ZNF84: variants seen among roughly 807,000 people sequenced by gnomAD.
ZNF84 encodes zinc finger protein HPF2.
Under a neutral mutation model 14.8 loss-of-function variants are expected in ZNF84, and 12 were observed. The observed-to-expected ratio is 0.81, with a 90% CI of 0.52 to 1.31. ZNF84 has a LOEUF of 1.31. Among genes scored for constraint, ZNF84 ranks in the 50% most tolerant of loss-of-function variants. The probability of loss-of-function intolerance (pLI) is 0.00; values close to 1 mark genes in which losing one functional copy is unlikely to be tolerated. For missense variants in ZNF84, 859 were observed against 878.6 expected (o/e 0.98, Z 0.28); for synonymous variants, 347 against 291.1 (o/e 1.19, Z -1.96).
rs1371165137 is a variant in ZNF84 at position 133,058,996 on chromosome 12, C to T, written c.*64C>T. The T allele has an allele frequency of 9.4e-5, 136 of 1,451,116 alleles. No individual in the cohort carries two copies. Among genetic ancestry groups the T allele is most frequent in the East Asian group, 1.4e-4 (6 of 43,926 alleles). 89.9% of individuals were successfully genotyped at this position (1,451,116 alleles called of 1,614,324 possible). A position where few individuals can be genotyped will look rare whatever the true frequency, so the allele number is the denominator to read the frequency against. On this transcript the variant is annotated 3_prime_UTR_variant, in exon 5 of 5. Transcript: ENST00000539354. Reference sequence around the variant, plus strand: ...ACTTCAGGAAATGCAATTATGATAACGTTTGTAGACAGTCACGTCATGTTA... The same window carrying T: ...ACTTCAGGAAATGCAATTATGATAATGTTTGTAGACAGTCACGTCATGTTA...
At position 133,041,360 on chromosome 12, in the gene ZNF84, G is replaced by A; in HGVS notation, c.-108G>A. The A allele has an allele frequency of 9.4e-7, 1 of 1,068,338 alleles. No individual in the cohort carries two copies. The highest frequency in any genetic ancestry group is 1.4e-6 in the Non-Finnish European group (1 of 691,914). The allele number at this position is 1,068,338 out of a possible 1,614,324, so 66.2% of individuals were successfully genotyped here. ...CTGGAACCAGGAATTCATTCTCAGT[G>A]TAGAAGACCTAGCTGAGACCTCACT... On this transcript the variant is annotated 5_prime_UTR_variant, in exon 2 of 5. Transcript: ENST00000539354.
Position 133,041,537 on chromosome 12 carries a change from A to C in ZNF84, c.15+55A>C, listed in dbSNP as rs948157822. On this transcript the variant is annotated intron_variant, in intron 2 of 4. Transcript: ENST00000539354. ...CCCAGGGAATTAGAAGAAATGTATA[A>C]GCCTTCCGGTGAAAAAGAAAAGTTT... 2.9e-5 allele frequency: 45 copies of C among 1,566,758 alleles called. No individual in the cohort carries two copies. The African/African-American group carries it at 5.0e-4, about 17-fold the overall frequency.
At chr12:133,038,729 C>T (rs1041695048) in intron 1 of ZNF84, 6 of 152,048 alleles carry the variant, frequency 3.9e-5, no homozygotes, top group Non-Finnish European at 7.4e-5. Flanking sequence ...TTATAAATTT[C>T]TTTAATTCTA....
chr12:133,056,874 C>T, intron 4 of ZNF84, 80 bp from the exon 5 acceptor site: 1 of 1,312,802 alleles, frequency 7.6e-7, no homozygotes. Context: ...AACCCCTCAA[C>T]ATAGCATTTC....
rs1954207187 is a variant in ZNF84 at position 133,058,766 on chromosome 12, G to A, written c.2051G>A (p.Gly684Glu). The stretch of plus-strand genomic sequence containing the variant: ...ACACATACGGGTGAGAAACCCTATG[G>A]ATGCAGTGAATGTAGGAAGGCCTTC... ...QRTHTGEKPY[G>E]CSECRKAFSQ... The change falls in exon 5 of 5, where the codon GGA (glycine) becomes GAA (glutamate). Residue 684 changes from glycine to glutamate, a missense_variant. Gly to Glu is a moderately conservative substitution (Grantham distance 98). Transcript: ENST00000539354. The A allele has an allele frequency of 1.2e-6, 2 of 1,613,320 alleles. No homozygotes were observed. Among genetic ancestry groups the A allele is most frequent in the African/African-American group, 1.3e-5 (1 of 74,708 alleles).
chr12:133,051,558 T>C (rs976503677), intron 4 of ZNF84, among the ~76,000 whole-genome samples: 1 of 152,144 alleles, frequency 6.6e-6, no homozygotes, highest in Admixed American at 6.5e-5. Context: ...GAAGAACCCA[T>C]GTGCAGGCTT....
chr12:133,057,770 G>A lies in ZNF84; in HGVS notation c.1055G>A (p.Cys352Tyr). 7 of 1,614,226 alleles carry A rather than the reference G, an allele frequency of 4.3e-6. No individual in the cohort carries two copies. Among genetic ancestry groups the A allele is most frequent in the Non-Finnish European group, 5.9e-6 (7 of 1,180,046 alleles). ...TGEKPFECRE[C>Y]GKAFSRKSQL... ...GAGAAGCCTTTTGAATGCAGGGAAT[G>A]TGGGAAAGCCTTCAGCAGGAAGTCA... Residue 352 changes from cysteine (C) to tyrosine (Y), a missense_variant, in exon 5 of 5, where the codon TGT (cysteine) becomes TAT (tyrosine). Cys to Tyr is a radical substitution (Grantham distance 194). Coordinates refer to ENST00000539354, the MANE Select transcript of ZNF84 (RefSeq NM_001289971.2).
chr12:133,048,976 C>G, intron 4 of ZNF84, 128 bp downstream of exon 4: 1 of 669,748 alleles, frequency 1.5e-6, no homozygotes, highest in Non-Finnish European at 2.5e-6. Flanking sequence ...GACGGGTGGG[C>G]TGGTCATTGA....
chr12:133,063,129 A>T lies in ZNF84; in HGVS notation c.*4197A>T. On this transcript the variant is annotated 3_prime_UTR_variant, in exon 5 of 5. Coordinates refer to ENST00000539354, the MANE Select transcript of ZNF84 (RefSeq NM_001289971.2). ...AGAAACATGGTCTGCAGTGAGAGAG[A>T]AGAATGAAGCCATGATGAAAGCAAA... 1 of 702,360 alleles carries T rather than the reference A, an allele frequency of 1.4e-6. No homozygotes were observed. Among genetic ancestry groups the T allele is most frequent in the South Asian group, 1.5e-5 (1 of 67,596 alleles). The allele number at this position is 702,360 out of a possible 1,614,324, so 43.5% of individuals were successfully genotyped here. A position where few individuals can be genotyped will look rare whatever the true frequency, so the allele number is the denominator to read the frequency against.
Position 133,041,424 on chromosome 12 carries a change from G to A in ZNF84, c.-44G>A. On this transcript the variant is annotated 5_prime_UTR_variant, in exon 2 of 5. Transcript: ENST00000539354. ...GCAGAAGCAGAAGAGACGCACAGTA[G>A]AACCGATCTCAGCCTTGCTGATCAT... The A allele has an allele frequency of 6.2e-7, 1 of 1,612,440 alleles. No homozygotes were observed. Among genetic ancestry groups the A allele is most frequent in the Non-Finnish European group, 8.5e-7 (1 of 1,178,488 alleles).
At chr12:133,056,265 T>G (rs1954156549) in intron 4 of ZNF84, among the ~76,000 whole-genome samples, 1 of 152,134 alleles carries the variant, frequency 6.6e-6, no homozygotes, top group Non-Finnish European at 1.5e-5. Flanking sequence ...TTTATTTTTA[T>G]TTTTTTGAGA....
In ZNF84 at chr12:133,054,890, A is replaced by G. The variant is rs1355954874; in HGVS notation, c.239-2064A>G. Reference sequence around the variant, plus strand: ...CAAATACTAACTACTGCTCCAAACTATCTTTTTTCATAGCATTCTTCAAAT... The same window carrying G: ...CAAATACTAACTACTGCTCCAAACTGTCTTTTTTCATAGCATTCTTCAAAT... On this transcript the variant is annotated intron_variant, in intron 4 of 4. Transcript: ENST00000539354. Among the ~76,000 whole-genome samples the G allele has an allele frequency of 2.8e-3, 422 of 152,224 alleles. 1 individual carries two copies. The highest frequency in any genetic ancestry group is 9.1e-3 in the African/African-American group (380 of 41,566).
chr12:133,059,993 C>T lies in ZNF84; in HGVS notation c.*1061C>T, dbSNP rs1470797013. The T allele has an allele frequency of 6.6e-6, 1 of 152,092 alleles. No individual in the cohort carries two copies. The highest frequency in any genetic ancestry group is 1.5e-5 in the Non-Finnish European group (1 of 68,018). The allele number at this position is 152,092 out of a possible 1,614,324, so 9.4% of individuals were successfully genotyped here. A position where few individuals can be genotyped will look rare whatever the true frequency, so the allele number is the denominator to read the frequency against. ...TGCAAAGGCAGGAACCACAGAATAACCATAGTAATATATAACTGAATGAGC... is the reference window on the plus strand; with the variant it reads ...TGCAAAGGCAGGAACCACAGAATAATCATAGTAATATATAACTGAATGAGC... On this transcript the variant is annotated 3_prime_UTR_variant, in exon 5 of 5. Coordinates refer to ENST00000539354, the MANE Select transcript of ZNF84 (RefSeq NM_001289971.2).
In ZNF84 at chr12:133,057,705, A is replaced by G. The variant is rs1954185604; in HGVS notation, c.990A>G (p.Glu330=). 6.2e-7 allele frequency: 1 copy of G among 1,613,398 alleles called. No individual in the cohort carries two copies. The highest frequency in any genetic ancestry group is 1.1e-5 in the South Asian group (1 of 91,050). Residue 330 remains glutamate (E), a synonymous_variant, in exon 5 of 5, where the codon GAA becomes GAG. Coordinates refer to ENST00000539354, the MANE Select transcript of ZNF84 (RefSeq NM_001289971.2). ...ATGAATGTGGGAGGGCCTTTAGTGA[A>G]AAGTCCAATCTCATTAACCATCAGA... ...GCNECGRAFS[E]KSNLINHQRI...
At position 133,062,082 on chromosome 12, in the gene ZNF84, G is replaced by A. The variant is rs1219766683; in HGVS notation, c.*3150G>A. ...TACATTGAGATAGCATACTAAAGGA[G>A]GCCAAATACAGGAAGCATCATCTTT... On this transcript the variant is annotated 3_prime_UTR_variant, in exon 5 of 5. Coordinates refer to ENST00000539354, the MANE Select transcript of ZNF84 (RefSeq NM_001289971.2). The A allele has an allele frequency of 6.6e-6, 1 of 152,212 alleles. No homozygotes were observed. Among genetic ancestry groups the A allele is most frequent in the Non-Finnish European group, 1.5e-5 (1 of 68,046 alleles). 9.4% of individuals were successfully genotyped at this position (152,212 alleles called of 1,614,324 possible).
At chr12:133,051,223 T>G (rs1041253722) in intron 4 of ZNF84, among the ~76,000 whole-genome samples, 1 of 152,206 alleles carries the variant, frequency 6.6e-6, no homozygotes, top group Non-Finnish European at 1.5e-5. Context: ...TTTAATCCTT[T>G]ACTGAAAAGG....
chr12:133,039,191 A>AT (rs1471393251), intron 1 of ZNF84: 1 of 152,248 alleles, frequency 6.6e-6, no homozygotes, highest in Non-Finnish European at 1.5e-5. Context: ...CATTTCTTGT[A>AT]TAACTGGGAG....
In ZNF84 at chr12:133,057,315, T is replaced by C; in HGVS notation, c.600T>C (p.Asn200=). The C allele has an allele frequency of 6.2e-7, 1 of 1,613,046 alleles. No individual in the cohort carries two copies. The highest frequency in any genetic ancestry group is 8.5e-7 in the Non-Finnish European group (1 of 1,179,802). The change falls in exon 5 of 5, where the codon AAT becomes AAC. Residue 200 remains asparagine (N), a synonymous_variant. Coordinates refer to ENST00000539354, the MANE Select transcript of ZNF84 (RefSeq NM_001289971.2). ...KKSQIIIYHR[N]RLGEKLYECS... is the part of the protein sequence containing the mutation. ...CACAGATTATCATATATCATAGAAA[T>C]CGTTTAGGGGAGAAACTCTATGAAT...
At position 133,063,013 on chromosome 12, in the gene ZNF84, A is replaced by C. The variant is rs1462920229; in HGVS notation, c.*4081A>C. 1.2e-5 allele frequency: 8 copies of C among 679,938 alleles called. No individual in the cohort carries two copies. Among genetic ancestry groups the C allele is most frequent in the Non-Finnish European group, 2.1e-5 (8 of 373,336 alleles). The allele number at this position is 679,938 out of a possible 1,614,324, so 42.1% of individuals were successfully genotyped here. A position where few individuals can be genotyped will look rare whatever the true frequency, so the allele number is the denominator to read the frequency against. On this transcript the variant is annotated 3_prime_UTR_variant, in exon 5 of 5. Coordinates refer to ENST00000539354, the MANE Select transcript of ZNF84 (RefSeq NM_001289971.2). ...CTTTCCCACTAGAAAGCTTCTAGAA[A>C]GCTAGTACTATCTTTTTTGTCTGTG...
Sources: allele counts gnomAD v4.1 joint callset (sites outside exome capture counted in the v4.1 genomes callset), GRCh38; gene constraint gnomAD v4.1.1; transcripts MANE v1.5; gene names NCBI Gene and HGNC (gene_info 2026-07-23, HGNC 2026-07-21).